The following AP2B1 variants were observed in gnomAD, a reference collection of about 807,000 sequenced individuals.
The protein encoded by AP2B1 is adaptor related protein complex 2 subunit beta 1.
In AP2B1, 23 loss-of-function variants were observed where a neutral mutation model predicts 102.0. That is an observed-to-expected ratio of 0.23 (90% CI 0.16 to 0.32). AP2B1 has a LOEUF of 0.32. AP2B1 is among the 10% of genes least tolerant of loss of function. The probability of loss-of-function intolerance (pLI) is 1.00; values close to 1 mark genes in which losing one functional copy is unlikely to be tolerated. For synonymous variants in AP2B1, 381 were observed against 421.2 expected (o/e 0.90, Z 1.17); for missense variants, 541 against 1,157.4 (o/e 0.47, Z 7.73).
At chr17:35,649,167 A>G (rs1322693601) in intron 12 of AP2B1, among the ~76,000 whole-genome samples, 3 of 152,148 alleles carry the variant, frequency 2.0e-5, no homozygotes, top group Admixed American at 6.5e-5. Context: ...TCAATAGGAG[A>G]TACTTAATAA....
chr17:35,594,622 G>C (rs1187742389), intron 2 of AP2B1, among the ~76,000 whole-genome samples: 1 of 152,042 alleles, frequency 6.6e-6, no homozygotes, highest in Non-Finnish European at 1.5e-5. Flanking sequence ...ACAATGAATA[G>C]AAATGAGTTA....
intron 13 of AP2B1, among the ~76,000 whole-genome samples, chr17:35,656,629 C>A (rs925164898): frequency 3.7e-4 from 57 of 152,254 alleles, no homozygotes; most frequent in African/African-American, 1.3e-3. Context: ...GGTGCGGTGG[C>A]TCACGCCTGT....
intron 21 of AP2B1, among the ~76,000 whole-genome samples, chr17:35,719,783 G>A (rs1203262198): frequency 6.6e-6 from 1 of 152,174 alleles, no homozygotes; most frequent in Non-Finnish European, 1.5e-5. Context: ...ATCGCTTGAG[G>A]ACAGGAGTTC....
chr17:35,671,639 A>T, intron 15 of AP2B1, 115 bp from the exon 16 acceptor site: 1 of 1,033,662 alleles, frequency 9.7e-7, no homozygotes, highest in Non-Finnish European at 1.4e-6. Context: ...AGAATATTGT[A>T]ATTATGGTGT....
At chr17:35,632,379 C>T (rs2074487502) in intron 9 of AP2B1, among the ~76,000 whole-genome samples, 1 of 152,174 alleles carries the variant, frequency 6.6e-6, no homozygotes, top group African/African-American at 2.4e-5. Context: ...AGATGATCCA[C>T]CCGCCTTGGC....
At chr17:35,722,017 G>A (rs1387598649) in intron 21 of AP2B1, among the ~76,000 whole-genome samples, 9 of 152,104 alleles carry the variant, frequency 5.9e-5, no homozygotes, top group Non-Finnish European at 1.0e-4. Flanking sequence ...GAGGTGGGTG[G>A]ATCACCTGAG....
intron 16 of AP2B1, among the ~76,000 whole-genome samples, chr17:35,672,987 G>A (rs556971431): frequency 3.7e-4 from 56 of 152,062 alleles, no homozygotes; most frequent in African/African-American, 1.4e-3. Flanking sequence ...TTGCACCTTG[G>A]TTTTTCTCTA....
chr17:35,643,888 G>A (rs1194928713), intron 12 of AP2B1, among the ~76,000 whole-genome samples: 2 of 152,184 alleles, frequency 1.3e-5, no homozygotes, highest in Admixed American at 6.5e-5. Context: ...GTGTATCAGT[G>A]TAGCATGCCT....
intron 18 of AP2B1, among the ~76,000 whole-genome samples, chr17:35,700,765 T>A (rs1232081999): frequency 6.6e-6 from 1 of 152,242 alleles, no homozygotes; most frequent in Non-Finnish European, 1.5e-5. Flanking sequence ...GGAAAGAAAC[T>A]AATTGCTGGT....
intron 13 of AP2B1, among the ~76,000 whole-genome samples, chr17:35,652,238 A>C (rs2075105838): frequency 6.6e-6 from 1 of 152,202 alleles, no homozygotes; most frequent in African/African-American, 2.4e-5. Flanking sequence ...TTTTTAAAAA[A>C]ATGCAAGTAC....
At chr17:35,612,310 G>T (rs1382729070) in intron 5 of AP2B1, among the ~76,000 whole-genome samples, 2 of 152,162 alleles carry the variant, frequency 1.3e-5, no homozygotes, top group East Asian at 3.8e-4. Context: ...TGTGCCTGGA[G>T]TGCCTCACTT....
chr17:35,694,253 G>GT (rs1356130877), intron 18 of AP2B1, among the ~76,000 whole-genome samples: 15 of 151,142 alleles, frequency 9.9e-5, no homozygotes, highest in East Asian at 1.9e-4. Flanking sequence ...GCTTTTGTTT[G>GT]TTTTTTTTCA....
intron 18 of AP2B1, among the ~76,000 whole-genome samples, chr17:35,696,528 C>T (rs975710146): frequency 9.3e-5 from 14 of 150,374 alleles, no homozygotes; most frequent in African/African-American, 9.8e-5. Context: ...TAGCTGATTA[C>T]GGGTGCCCGC....
intron 9 of AP2B1, among the ~76,000 whole-genome samples, chr17:35,629,445 C>T (rs962605651): frequency 3.9e-5 from 6 of 152,142 alleles, no homozygotes; most frequent in Admixed American, 6.6e-5. Context: ...TCATTCCATA[C>T]AGCCTCCCTA....
At chr17:35,720,113 G>T (rs1163958885) in intron 21 of AP2B1, among the ~76,000 whole-genome samples, 1 of 152,106 alleles carries the variant, frequency 6.6e-6, no homozygotes, top group African/African-American at 2.4e-5. Flanking sequence ...CAAACAGACG[G>T]GCTGGGCACA....
chr17:35,710,454 T>G, intron 20 of AP2B1, 134 bp downstream of exon 20: 1 of 625,476 alleles, frequency 1.6e-6, no homozygotes, highest in Non-Finnish European at 2.8e-6. Flanking sequence ...ATATGGTAGA[T>G]GCATTACTTT....
intron 12 of AP2B1, among the ~76,000 whole-genome samples, chr17:35,650,018 C>T (rs1326636029): frequency 1.3e-5 from 2 of 151,892 alleles, no homozygotes; most frequent in Non-Finnish European, 1.5e-5. Flanking sequence ...AGCGTGATCT[C>T]GGCTCACTGC....
intron 21 of AP2B1, 45 bp downstream of exon 21, chr17:35,717,394 G>T: frequency 6.2e-7 from 1 of 1,607,556 alleles, no homozygotes; most frequent in Non-Finnish European, 8.5e-7. Flanking sequence ...GAGGAGGGAG[G>T]TGAGAGCCCT....
intron 21 of AP2B1, among the ~76,000 whole-genome samples, chr17:35,722,070 T>C (rs1454899282): frequency 6.6e-6 from 1 of 151,976 alleles, no homozygotes; most frequent in African/African-American, 2.4e-5. Flanking sequence ...GCAAAACCCC[T>C]TCTCTACTAA....
Sources: allele counts gnomAD v4.1 joint callset (sites outside exome capture counted in the v4.1 genomes callset), GRCh38; gene constraint gnomAD v4.1.1; transcripts MANE v1.5; gene names NCBI Gene and HGNC (gene_info 2026-07-23, HGNC 2026-07-21).